Variants in SOCS4 observed in about 807,000 individuals in gnomAD.
The protein encoded by SOCS4 is SH2 domain containing SOCS box protein.
In SOCS4, 20 loss-of-function variants were observed where a neutral mutation model predicts 34.1. The ratio of observed to expected loss-of-function variants is 0.59; its 90% CI spans 0.41 to 0.85. SOCS4 has a LOEUF of 0.85. SOCS4 is among the 40% of genes least tolerant of loss of function. The pLI, the probability that SOCS4 is intolerant of heterozygous loss-of-function variation, is 0.00. For synonymous variants in SOCS4, 180 were observed against 186.4 expected (o/e 0.97, Z 0.28); for missense variants, 479 against 532.4 (o/e 0.90, Z 0.99).
At position 55,044,348 on chromosome 14, in the gene SOCS4, C is replaced by T; in HGVS notation, c.1307C>T (p.Pro436Leu). ...GTTAGAGTACTCAGGATTGATGCAC[C>T]AGAACAGCAATGCTAGTAACAGGAT... is the stretch of plus-strand genomic sequence containing the variant. ...SKVRVLRIDA[P>L]EQQC Residue 436 changes from proline (P) to leucine (L), a missense_variant, in exon 3 of 3, where the codon CCA (proline) becomes CTA (leucine). Physicochemically the swap from Pro to Leu is moderately conservative, Grantham distance 98 (BLOSUM62 -3). Coordinates refer to ENST00000555846, the MANE Select transcript of SOCS4 (RefSeq NM_199421.2). 6.2e-7 allele frequency: 1 copy of T among 1,608,268 alleles called. No homozygotes were observed. The highest frequency in any genetic ancestry group is 2.2e-5 in the East Asian group (1 of 44,776).
chr14:55,032,047 A>C (rs1378540826), intron 2 of SOCS4, 56 bp downstream of exon 2: 3 of 152,222 alleles, frequency 2.0e-5, no homozygotes, highest in African/African-American at 7.2e-5. Flanking sequence ...AATTACTACC[A>C]GAATAATAAT....
intron 2 of SOCS4, among the ~76,000 whole-genome samples, chr14:55,041,520 C>A (rs1394720108): frequency 4.0e-5 from 6 of 151,714 alleles, no homozygotes; most frequent in African/African-American, 1.2e-4. Context: ...GCTCTGTCAC[C>A]CAGGCTGGAG....
chr14:55,043,191 G>C lies in SOCS4; in HGVS notation c.150G>C (p.Glu50Asp). 1 of 1,614,244 alleles carries C rather than the reference G, an allele frequency of 6.2e-7. No individual in the cohort carries two copies. Among genetic ancestry groups the C allele is most frequent in the Non-Finnish European group, 8.5e-7 (1 of 1,180,052 alleles). Residue 50 changes from glutamate (E) to aspartate (D), a missense_variant, in exon 3 of 3, where the codon GAG becomes GAC. Transcript: ENST00000555846. ...AGAGTGAGAGTTATTCAGATGCTGA[G>C]ACAGTGAATGGTATAGAGAAAACCG... The part of the protein sequence containing the change: ...SKKSESYSDA[E>D]TVNGIEKTEV...
rs139545724 is a variant in SOCS4, at chr14:55,032,388, C to G, written c.-91+397C>G. On this transcript the variant is annotated intron_variant, in intron 2 of 2. Transcript: ENST00000555846. ...GTAATGAAAATTGACATAATGGGCA[C>G]TCATTTTGTTATTGTTGTCATTGTA... 9.6e-3 allele frequency among the ~76,000 whole-genome samples: 1,467 copies of G among 152,206 alleles called. 32 individuals carry two copies. Among genetic ancestry groups the G allele is most frequent in the African/African-American group, 0.034 (1,414 of 41,516 alleles).
intron 2 of SOCS4, among the ~76,000 whole-genome samples, chr14:55,037,530 G>C (rs190204584): frequency 6.7e-6 from 1 of 149,294 alleles, no homozygotes. Context: ...TTTCACTCTT[G>C]TCACCCAGGC....
intron 2 of SOCS4, among the ~76,000 whole-genome samples, chr14:55,042,475 T>C (rs892730928): frequency 6.6e-6 from 1 of 152,144 alleles, no homozygotes; most frequent in Non-Finnish European, 1.5e-5. Flanking sequence ...CATATTTTAA[T>C]CAGTAGGGAA....
rs1325134672 is a variant in SOCS4 at position 55,047,942 on chromosome 14, CAG to C, written c.*3581_*3582del. On this transcript the variant is annotated 3_prime_UTR_variant, in exon 3 of 3. Transcript: ENST00000555846. ...CCTTGAGATCTCTTTTTTTTTGAGA[CAG>C]AGTCTCGCTGTTGTCAGCCCAGGCT... 1 of 166,854 alleles carries C rather than the reference CAG, an allele frequency of 6.0e-6. No homozygotes were observed. The allele number at this position is 166,854 out of a possible 1,614,324, so 10.3% of individuals were successfully genotyped here.
chr14:55,049,069 T>G lies in SOCS4; in HGVS notation c.*4705T>G, dbSNP rs1445214169. 1.8e-5 allele frequency: 3 copies of G among 166,790 alleles called. No homozygotes were observed. The highest frequency in any genetic ancestry group is 7.2e-5 in the African/African-American group (3 of 41,464). 10.3% of individuals were successfully genotyped at this position (166,790 alleles called of 1,614,324 possible). The stretch of plus-strand genomic sequence containing the variant: ...AACAATTGCAGTTTCCTCCTACCCT[T>G]CATATGGTCTGTGTAAAACTGATGT... On this transcript the variant is annotated 3_prime_UTR_variant, in exon 3 of 3. Coordinates refer to ENST00000555846, the MANE Select transcript of SOCS4 (RefSeq NM_199421.2).
At chr14:55,034,859 G>GTT (rs755547542) in intron 2 of SOCS4, among the ~76,000 whole-genome samples, 10 of 131,734 alleles carry the variant, frequency 7.6e-5, no homozygotes, top group East Asian at 2.2e-4. Flanking sequence ...CTCTCTCTCT[G>GTT]TTTTTTTTTT....
rs1364936727 is a variant in SOCS4 at position 55,047,233 on chromosome 14, T to C, written c.*2869T>C. The C allele has an allele frequency of 1.4e-4, 24 of 167,080 alleles. No individual in the cohort carries two copies. The allele number at this position is 167,080 out of a possible 1,614,324, so 10.3% of individuals were successfully genotyped here. A position where few individuals can be genotyped will look rare whatever the true frequency, so the allele number is the denominator to read the frequency against. ...TGAAAAGAAACTACTTAATCGCTAA[T>C]AGCTAGTCTGGACCAGACACTTAAC... On this transcript the variant is annotated 3_prime_UTR_variant, in exon 3 of 3. Transcript: ENST00000555846.
chr14:55,031,024 C>T (rs1423157883), intron 1 of SOCS4, among the ~76,000 whole-genome samples: 1 of 152,064 alleles, frequency 6.6e-6, no homozygotes, highest in African/African-American at 2.4e-5. Context: ...TTTTCCCCCT[C>T]CTTTTTAAAC....
At chr14:55,034,873 T>G (rs1335290227) in intron 2 of SOCS4, among the ~76,000 whole-genome samples, 1 of 151,398 alleles carries the variant, frequency 6.6e-6, no homozygotes, top group Non-Finnish European at 1.5e-5. Context: ...TTTTTTTTTT[T>G]TCCTTGACAT....
intron 1 of SOCS4, among the ~76,000 whole-genome samples, chr14:55,028,883 A>T (rs2042500391): frequency 6.6e-6 from 1 of 152,128 alleles, no homozygotes; most frequent in South Asian, 2.1e-4. Context: ...TAAAATGGAG[A>T]TGACACCTAC....
In SOCS4 at chr14:55,047,230, T is replaced by C. The variant is rs973748353; in HGVS notation, c.*2866T>C. Reference sequence around the variant, plus strand: ...CAGTGAAAAGAAACTACTTAATCGCTAATAGCTAGTCTGGACCAGACACTT... The same window carrying C: ...CAGTGAAAAGAAACTACTTAATCGCCAATAGCTAGTCTGGACCAGACACTT... On this transcript the variant is annotated 3_prime_UTR_variant, in exon 3 of 3. Transcript: ENST00000555846. 1.8e-5 allele frequency: 3 copies of C among 167,106 alleles called. No homozygotes were observed. The highest frequency in any genetic ancestry group is 4.4e-5 in the Non-Finnish European group (3 of 68,116). 10.4% of individuals were successfully genotyped at this position (167,106 alleles called of 1,614,324 possible).
In SOCS4 at chr14:55,032,246, A is replaced by C. The variant is rs551032377; in HGVS notation, c.-91+255A>C. On this transcript the variant is annotated intron_variant, in intron 2 of 2. Coordinates refer to ENST00000555846, the MANE Select transcript of SOCS4 (RefSeq NM_199421.2). ...TCATAGAGGATACTAATTAATTTCC[A>C]GATAAATGAAGCTTATCCTTTTAAT... Among the ~76,000 whole-genome samples, 352 of 152,352 alleles carry C rather than the reference A, an allele frequency of 2.3e-3. 2 individuals are homozygous for C. The highest frequency in any genetic ancestry group is 8.1e-3 in the African/African-American group (338 of 41,584).
intron 2 of SOCS4, among the ~76,000 whole-genome samples, chr14:55,035,723 TC>T (rs765238137): frequency 6.6e-6 from 1 of 152,302 alleles, no homozygotes; most frequent in Non-Finnish European, 1.5e-5. Context: ...CATTATTTTA[TC>T]CCCAACAGCC....
chr14:55,046,266 A>C lies in SOCS4; in HGVS notation c.*1902A>C, dbSNP rs1216387638. 6.0e-6 allele frequency: 1 copy of C among 166,930 alleles called. No homozygotes were observed. Among genetic ancestry groups the C allele is most frequent in the African/African-American group, 2.4e-5 (1 of 41,456 alleles). The allele number at this position is 166,930 out of a possible 1,614,324, so 10.3% of individuals were successfully genotyped here. A position where few individuals can be genotyped will look rare whatever the true frequency, so the allele number is the denominator to read the frequency against. ...ACTGAGAAGCTTATCTTATTAACCA[A>C]TATACCACTTCCTAAATATCCATCT... On this transcript the variant is annotated 3_prime_UTR_variant, in exon 3 of 3. Coordinates refer to ENST00000555846, the MANE Select transcript of SOCS4 (RefSeq NM_199421.2).
At position 55,043,626 on chromosome 14, in the gene SOCS4, C is replaced by T; in HGVS notation, c.585C>T (p.Pro195=). 1 of 1,614,080 alleles carries T rather than the reference C, an allele frequency of 6.2e-7. No homozygotes were observed. The highest frequency in any genetic ancestry group is 1.1e-5 in the South Asian group (1 of 91,064). Residue 195 remains proline (P), a synonymous_variant, in exon 3 of 3, where the codon CCC becomes CCT. Coordinates refer to ENST00000555846, the MANE Select transcript of SOCS4 (RefSeq NM_199421.2). ...INCFSHTNVQ[P]CVITTDNALC... ...GTTTCTCACATACCAATGTTCAGCCCTGTGTCATAACCACCGACAATGCTT... is the reference window on the plus strand; with the variant it reads ...GTTTCTCACATACCAATGTTCAGCCTTGTGTCATAACCACCGACAATGCTT...
rs2042671834 is a variant in SOCS4 at position 55,045,923 on chromosome 14, C to G, written c.*1559C>G. On this transcript the variant is annotated 3_prime_UTR_variant, in exon 3 of 3. Transcript: ENST00000555846. ...ATGTGAGTAGCATTTCCCTATCTTGCAGTTCTGTTAACATGAAAATGGCAT... is the reference window on the plus strand; with the variant it reads ...ATGTGAGTAGCATTTCCCTATCTTGGAGTTCTGTTAACATGAAAATGGCAT... 1 of 166,882 alleles carries G rather than the reference C, an allele frequency of 6.0e-6. No individual in the cohort carries two copies. Among genetic ancestry groups the G allele is most frequent in the African/African-American group, 2.4e-5 (1 of 41,422 alleles). The allele number at this position is 166,882 out of a possible 1,614,324, so 10.3% of individuals were successfully genotyped here. A position where few individuals can be genotyped will look rare whatever the true frequency, so the allele number is the denominator to read the frequency against.
Sources: allele counts gnomAD v4.1 joint callset (sites outside exome capture counted in the v4.1 genomes callset), GRCh38; gene constraint gnomAD v4.1.1; transcripts MANE v1.5; gene names NCBI Gene and HGNC (gene_info 2026-07-23, HGNC 2026-07-21).